Variants in ELMO1 observed in about 807,000 individuals in gnomAD.
ELMO1 encodes the protein engulfment and cell motility protein 1.
In ELMO1, 26 loss-of-function variants were observed where a neutral mutation model predicts 98.9. The ratio of observed to expected loss-of-function variants is 0.26; its 90% CI spans 0.19 to 0.36. ELMO1 has a LOEUF of 0.36. ELMO1 is among the 10% of genes least tolerant of loss of function. ELMO1 has a pLI of 1.00. For missense variants in ELMO1, 627 were observed against 935.2 expected, an observed-to-expected ratio of 0.67 and a Z score of 4.30; for synonymous variants, 346 against 346.0, an observed-to-expected ratio of 1.00 and a Z score of 0.00.
intron 15 of ELMO1, among the ~76,000 whole-genome samples, chr7:37,084,111 G>A (rs965590508): frequency 6.6e-6 from 1 of 152,150 alleles, no homozygotes; most frequent in Admixed American, 6.5e-5. Context: ...ACATACTGTA[G>A]TGTTGATATT....
intron 16 of ELMO1, 67 bp downstream of exon 16, chr7:37,013,232 A>C: frequency 6.3e-7 from 1 of 1,589,016 alleles, no homozygotes; most frequent in East Asian, 2.3e-5. Flanking sequence ...CACACAGCCA[A>C]GGGACCATGC....
chr7:37,281,233 A>G (rs1209055707), intron 4 of ELMO1, among the ~76,000 whole-genome samples: 1 of 147,780 alleles, frequency 6.8e-6, no homozygotes, highest in African/African-American at 2.5e-5. Flanking sequence ...CTTGGGGGGA[A>G]GAGCGGGAGG....
chr7:37,122,702 C>A (rs1253324547), intron 14 of ELMO1, among the ~76,000 whole-genome samples: 1 of 152,138 alleles, frequency 6.6e-6, no homozygotes, highest in East Asian at 1.9e-4. Context: ...TTTAACACCC[C>A]ACTGTCAACA....
chr7:37,292,322 C>CCGAGGCA, intron 4 of ELMO1, among the ~76,000 whole-genome samples: 1 of 83,570 alleles, frequency 1.2e-5, no homozygotes, highest in East Asian at 2.7e-4. Context: ...CAGCCTCCTG[C>CCGAGGCA]CTTGGCCTCC....
chr7:37,008,549 A>G (rs1354114074), intron 16 of ELMO1, among the ~76,000 whole-genome samples: 1 of 152,154 alleles, frequency 6.6e-6, no homozygotes, highest in African/African-American at 2.4e-5. Context: ...TTTTTCATAG[A>G]CAGGCTTTAT....
intron 13 of ELMO1, among the ~76,000 whole-genome samples, chr7:37,159,558 G>C (rs761057691): frequency 7.9e-5 from 12 of 152,132 alleles, no homozygotes; most frequent in Admixed American, 5.2e-4. Context: ...AAATTAGCCA[G>C]GCGTGGTGGT....
chr7:37,292,670 A>G (rs1162429656), intron 4 of ELMO1, among the ~76,000 whole-genome samples: 20 of 88,282 alleles, frequency 2.3e-4, no homozygotes, highest in Middle Eastern at 7.4e-3. Flanking sequence ...CCCTCCGCCC[A>G]GCAGCCACCC....
At chr7:37,430,405 CA>C (rs1804884817) in intron 1 of ELMO1, among the ~76,000 whole-genome samples, 1 of 152,154 alleles carries the variant, frequency 6.6e-6, no homozygotes, top group Non-Finnish European at 1.5e-5. Context: ...ATGAAGTCCA[CA>C]AATAGGGCTC....
intron 1 of ELMO1, among the ~76,000 whole-genome samples, chr7:37,446,300 C>T (rs1381345059): frequency 6.6e-6 from 1 of 152,178 alleles, no homozygotes; most frequent in Admixed American, 6.5e-5. Context: ...AACTTCTGCT[C>T]TAACAGGGAG....
intron 19 of ELMO1, among the ~76,000 whole-genome samples, chr7:36,877,285 T>G (rs1171612947): frequency 6.6e-6 from 1 of 152,218 alleles, no homozygotes; most frequent in Non-Finnish European, 1.5e-5. Flanking sequence ...GCTACGTTCA[T>G]TTTATCTCAT....
chr7:37,022,908 T>A (rs914706433), intron 15 of ELMO1, among the ~76,000 whole-genome samples: 2 of 152,196 alleles, frequency 1.3e-5, no homozygotes, highest in Non-Finnish European at 2.9e-5. Context: ...AAATTATTTT[T>A]AAAAATGCTA....
rs745728435 is a variant in ELMO1, at chr7:36,894,973, G to C, written c.1482C>G (p.Thr494=). 1.2e-6 allele frequency: 2 copies of C among 1,614,056 alleles called. No homozygotes were observed. Among genetic ancestry groups the C allele is most frequent in the South Asian group, 2.2e-5 (2 of 91,082 alleles). The change falls in exon 17 of 22, where the codon ACC becomes ACG. Residue 494 remains threonine (T), a synonymous_variant. Transcript: ENST00000310758. ...VKEQVMRALT[T]KPSSLDQFKS... is the part of the protein sequence containing the mutation. ...TGAACTGGTCCAGGGAGCTAGGCTT[G>C]GTTGTAAGTGCTCTCATAACCTGCT... is the stretch of plus-strand genomic sequence containing the variant.
chr7:36,938,024 G>C (rs74457078), intron 16 of ELMO1, among the ~76,000 whole-genome samples: 1 of 152,056 alleles, frequency 6.6e-6, no homozygotes, highest in Non-Finnish European at 1.5e-5. Flanking sequence ...CTTAAAAGAC[G>C]GCCACCATAA....
chr7:37,104,637 G>T (rs561872581), intron 14 of ELMO1, among the ~76,000 whole-genome samples: 6 of 152,340 alleles, frequency 3.9e-5, no homozygotes, highest in African/African-American at 1.4e-4. Flanking sequence ...TGTCCAGGCT[G>T]CGGAGGCCTC....
chr7:37,284,745 A>T (rs1353260067), intron 4 of ELMO1, among the ~76,000 whole-genome samples: 1 of 151,016 alleles, frequency 6.6e-6, no homozygotes, highest in Non-Finnish European at 1.5e-5. Context: ...TCAACATTTT[A>T]TGAAAGATGT....
chr7:37,211,503 G>A lies in ELMO1; in HGVS notation c.969C>T (p.Ile323=), dbSNP rs995367362. Residue 323 remains isoleucine, a synonymous_variant, in exon 13 of 22, where the codon ATC becomes ATT. Coordinates refer to ENST00000310758, the MANE Select transcript of ELMO1 (RefSeq NM_014800.11). ...AAGCAATTCTTCGAAGTTCAAATAT[G>A]ATGTCCCTCTGAGCCTGAAGGAATC... The part of the protein sequence containing the change: ...MDPQDQAQRD[I]IFELRRIAFD... 2 of 1,613,824 alleles carry A rather than the reference G, an allele frequency of 1.2e-6. No individual in the cohort carries two copies. The highest frequency in any genetic ancestry group is 1.7e-6 in the Non-Finnish European group (2 of 1,179,946).
At chr7:37,413,585 G>T (rs1251078477) in intron 1 of ELMO1, among the ~76,000 whole-genome samples, 1 of 152,176 alleles carries the variant, frequency 6.6e-6, no homozygotes, top group Non-Finnish European at 1.5e-5. Flanking sequence ...GAGCATCCAG[G>T]TAACATGCAA....
intron 4 of ELMO1, among the ~76,000 whole-genome samples, chr7:37,285,975 G>A (rs926117936): frequency 2.1e-4 from 32 of 151,598 alleles, no homozygotes; most frequent in African/African-American, 7.3e-4. Context: ...GTCTCAGAAA[G>A]CCACAAAGTG....
At chr7:37,378,562 C>A (rs190377482) in intron 1 of ELMO1, among the ~76,000 whole-genome samples, 1 of 151,906 alleles carries the variant, frequency 6.6e-6, no homozygotes, top group East Asian at 1.9e-4. Context: ...GAACAAATGT[C>A]ATTTTAAAAA....
Sources: allele counts gnomAD v4.1 joint callset (sites outside exome capture counted in the v4.1 genomes callset), GRCh38; gene constraint gnomAD v4.1.1; transcripts MANE v1.5; gene names NCBI Gene and HGNC (gene_info 2026-07-23, HGNC 2026-07-21).